AKR1B15: variants seen among roughly 807,000 people sequenced by gnomAD.
The protein encoded by AKR1B15 is aldo-keto reductase family 1 member B15.
In AKR1B15, 49 loss-of-function variants were observed where a neutral mutation model predicts 38.5. The ratio of observed to expected loss-of-function variants is 1.27; its 90% CI spans 1.01 to 1.62. AKR1B15 has a LOEUF of 1.62. Ranked by LOEUF, AKR1B15 falls within the 40% of genes most tolerant of loss-of-function variation. The pLI is 0.00. For missense variants in AKR1B15, 411 were observed against 381.6 expected (o/e 1.08, Z -0.64); for synonymous variants, 137 against 135.5 (o/e 1.01, Z -0.08).
intron 9 of AKR1B15, 72 bp downstream of exon 9, chr7:134,576,502 T>C: frequency 6.5e-7 from 1 of 1,548,848 alleles, no homozygotes. Context: ...TCTCGTGTTG[T>C]CCTCAACTGA....
intron 2 of AKR1B15, among the ~76,000 whole-genome samples, chr7:134,562,746 G>C (rs1794432047): frequency 6.6e-6 from 1 of 152,090 alleles, no homozygotes; most frequent in South Asian, 2.1e-4. Context: ...TTTTAGTAGA[G>C]AGGGAGTATC....
At chr7:134,562,149 T>A (rs755022503) in intron 2 of AKR1B15, among the ~76,000 whole-genome samples, 1 of 151,990 alleles carries the variant, frequency 6.6e-6, no homozygotes, top group African/African-American at 2.4e-5. Flanking sequence ...GTGTCTGGAG[T>A]TGATTCCTTC....
chr7:134,577,136 C>A, intron 10 of AKR1B15, 90 bp downstream of exon 10: 2 of 1,329,748 alleles, frequency 1.5e-6, no homozygotes, highest in Non-Finnish European at 2.1e-6. Flanking sequence ...CATCCCTGCA[C>A]TGTCTTTGGC....
Position 134,568,419 on chromosome 7 carries a change from A to G in AKR1B15, c.318+94A>G, listed in dbSNP as rs1794591687. ...AGCAAGAACTCTGTCGGCCTTTTCT[A>G]CGTGTACCCGTTTTCATCTCTGCCT... On this transcript the variant is annotated intron_variant, in intron 4 of 11. Transcript: ENST00000457545. The G allele has an allele frequency of 8.5e-6, 13 of 1,529,950 alleles. No homozygotes were observed. In the South Asian group the frequency reaches 1.3e-4, roughly 15 times the overall value. 94.8% of individuals were successfully genotyped at this position (1,529,950 alleles called of 1,614,324 possible).
At chr7:134,576,116 C>T (rs1409421654) in intron 8 of AKR1B15, among the ~76,000 whole-genome samples, 189 bp downstream of exon 8, 5 of 152,044 alleles carry the variant, frequency 3.3e-5, no homozygotes, top group South Asian at 4.2e-4. Flanking sequence ...ACAACAAGGG[C>T]GACATGCTTG....
chr7:134,560,991 CAT>C (rs1376944801), intron 2 of AKR1B15, among the ~76,000 whole-genome samples: 3 of 152,182 alleles, frequency 2.0e-5, no homozygotes, highest in South Asian at 2.1e-4. Flanking sequence ...CAAATATACA[CAT>C]AGTTTACTGT....
chr7:134,576,284 G>A (rs1474923105), intron 8 of AKR1B15, 65 bp from the exon 9 acceptor site: 37 of 1,516,588 alleles, frequency 2.4e-5, no homozygotes, highest in Non-Finnish European at 3.3e-5. Flanking sequence ...ACCCTCATTG[G>A]AGTGGTGTCC....
At chr7:134,564,852 A>G in intron 3 of AKR1B15, 83 bp downstream of exon 3, 2 of 530,728 alleles carry the variant, frequency 3.8e-6, no homozygotes, top group Non-Finnish European at 6.7e-6. Flanking sequence ...AGGTGAAGCC[A>G]GCTGGACTTC....
intron 3 of AKR1B15, 87 bp downstream of exon 3, chr7:134,564,856 G>A: frequency 1.9e-6 from 1 of 525,780 alleles, no homozygotes. Context: ...GAAGCCAGCT[G>A]GACTTCCTGG....
chr7:134,561,871 A>C (rs917349093), intron 2 of AKR1B15, among the ~76,000 whole-genome samples: 13 of 152,188 alleles, frequency 8.5e-5, no homozygotes, highest in African/African-American at 3.1e-4. Flanking sequence ...TGAACCTGCA[A>C]TTGTAACTTT....
At chr7:134,562,832 C>CTTTCTTTCTT (rs1554402357) in intron 2 of AKR1B15, among the ~76,000 whole-genome samples, 5 of 122,600 alleles carry the variant, frequency 4.1e-5, no homozygotes, top group Non-Finnish European at 6.7e-5. Context: ...TCCTTCCTTT[C>CTTTCTTTCTT]TCTTTCTTTC....
rs375543873 is a variant in AKR1B15, at chr7:134,576,992, T to C, written c.855T>C (p.Asn285=). 4.3e-6 allele frequency: 7 copies of C among 1,613,888 alleles called. No homozygotes were observed. In the African/African-American group the frequency reaches 8.0e-5, roughly 18 times the overall value. The change falls in exon 10 of 12, where the codon AAT becomes AAC. Residue 285 remains asparagine (N), a synonymous_variant. Coordinates refer to ENST00000457545, the MANE Select transcript of AKR1B15 (RefSeq NM_001080538.3). The part of the protein sequence containing the change: ...QVLIRFHIQR[N]VTVIPKSMTP... ...TGATCCGTTTCCATATCCAGAGGAA[T>C]GTGACAGTGATCCCCAAGTCTATGA...
chr7:134,560,420 G>A (rs560455056), intron 2 of AKR1B15, among the ~76,000 whole-genome samples: 3 of 152,132 alleles, frequency 2.0e-5, no homozygotes, highest in East Asian at 1.9e-4. Flanking sequence ...TTCTGAGATC[G>A]GCTTATCAGC....
At chr7:134,553,703 G>C (rs1794081031) in intron 1 of AKR1B15, among the ~76,000 whole-genome samples, 1 of 152,224 alleles carries the variant, frequency 6.6e-6, no homozygotes, top group Non-Finnish European at 1.5e-5. Context: ...CTCCCACAAG[G>C]TGTTTAAATC....
intron 6 of AKR1B15, among the ~76,000 whole-genome samples, chr7:134,572,864 T>C (rs1276440816): frequency 6.6e-6 from 1 of 152,230 alleles, no homozygotes; most frequent in African/African-American, 2.4e-5. Context: ...TTAATCATGT[T>C]ATCTTGGCAG....
intron 6 of AKR1B15, among the ~76,000 whole-genome samples, chr7:134,572,129 G>A (rs556169877): frequency 6.6e-5 from 10 of 152,046 alleles, no homozygotes; most frequent in African/African-American, 1.2e-4. Flanking sequence ...TTTACGTGCC[G>A]GGAACATCAG....
Position 134,577,027 on chromosome 7 carries a change from A to T in AKR1B15, c.890A>T (p.His297Leu). The part of the protein sequence containing the change: ...TVIPKSMTPA[H>L]IVENIQVFDF... ...ATCCCCAAGTCTATGACACCAGCAC[A>T]CATTGTTGAGAACATTCAGGTAAGT... Residue 297 changes from histidine (H) to leucine (L), a missense_variant, in exon 10 of 12, where the codon CAC (histidine) becomes CTC (leucine). Transcript: ENST00000457545. The T allele has an allele frequency of 1.9e-6, 3 of 1,613,822 alleles. No individual in the cohort carries two copies. The highest frequency in any genetic ancestry group is 2.5e-6 in the Non-Finnish European group (3 of 1,179,748).
chr7:134,567,937 AG>A (rs1405049045), intron 3 of AKR1B15, among the ~76,000 whole-genome samples: 10 of 152,160 alleles, frequency 6.6e-5, no homozygotes, highest in African/African-American at 2.2e-4. Flanking sequence ...AGAAGACCCC[AG>A]CGAAGCCTTG....
rs1353342403 is a variant in AKR1B15, at chr7:134,576,969, A to C, written c.832A>C (p.Ile278Leu). 2 of 1,613,452 alleles carry C rather than the reference A, an allele frequency of 1.2e-6. No individual in the cohort carries two copies. The highest frequency in any genetic ancestry group is 2.2e-5 in the South Asian group (2 of 91,054). The stretch of plus-strand genomic sequence containing the variant: ...ATGTCCCCTTTCTGCACAGGTTCTG[A>C]TCCGTTTCCATATCCAGAGGAATGT... Reference protein sequence around the residue: ...KHKKTTAQVLIRFHIQRNVTV... With the variant: ...KHKKTTAQVLLRFHIQRNVTV... Residue 278 changes from isoleucine to leucine, a missense_variant, in exon 10 of 12, where the codon ATC (isoleucine) becomes CTC (leucine). Ile to Leu is a conservative substitution (Grantham distance 5). Coordinates refer to ENST00000457545, the MANE Select transcript of AKR1B15 (RefSeq NM_001080538.3).
Sources: gnomAD v4.1 joint callset for allele counts (sites outside exome capture counted in the v4.1 genomes callset) on GRCh38, gnomAD v4.1.1 for gene constraint, MANE v1.5 for transcripts, NCBI Gene and HGNC (gene_info 2026-07-23, HGNC 2026-07-21) for gene names.